NEMP2: variants seen among roughly 807,000 people sequenced by gnomAD.
The protein encoded by NEMP2 is UPF0571 transmembrane protein.
NEMP2 carries 53 observed loss-of-function variants against 54.2 expected under a neutral mutation model. The observed-to-expected ratio is 0.98, with a 90% CI of 0.78 to 1.23. The LOEUF (loss-of-function observed/expected upper bound fraction) is 1.23, where lower values mean the gene tolerates loss of function less well. NEMP2 is among the 50% of genes most tolerant of loss of function. The pLI, the probability that NEMP2 is intolerant of heterozygous loss-of-function variation, is 0.00. For synonymous variants in NEMP2, 197 were observed against 190.3 expected (o/e 1.04, Z -0.29); for missense variants, 455 against 511.3 (o/e 0.89, Z 1.06).
Position 190,519,250 on chromosome 2 carries a change from C to T in NEMP2, c.214-67G>A, listed in dbSNP as rs1445054402. 8.6e-7 allele frequency: 1 copy of T among 1,156,984 alleles called. No homozygotes were observed. Among genetic ancestry groups the T allele is most frequent in the African/African-American group, 1.5e-5 (1 of 65,216 alleles). 71.7% of individuals were successfully genotyped at this position (1,156,984 alleles called of 1,614,324 possible). On this transcript the variant is annotated intron_variant, in intron 2 of 8. Coordinates refer to ENST00000409150, the MANE Select transcript of NEMP2 (RefSeq NM_001142645.2). This position sits in a 1 kb window ranked among gnomAD's most constrained non-coding sequence, Gnocchi z 5.4. Reference sequence around the variant, plus strand: ...CTCTTTTTTGTTTTGGAGACAGGGTCTCCCTCTGTTGCCCAGAATGGAGTG... The same window carrying T: ...CTCTTTTTTGTTTTGGAGACAGGGTTTCCCTCTGTTGCCCAGAATGGAGTG...
chr2:190,579,409 G>A, the NEMP2 span, among the ~76,000 whole-genome samples: 8 of 151,892 alleles, frequency 5.3e-5, no homozygotes, highest in East Asian at 1.9e-4. Context: ...CAAGTGGAGC[G>A]AAGATGACCA....
chr2:190,602,170 G>A, the NEMP2 span, among the ~76,000 whole-genome samples: 1 of 152,174 alleles, frequency 6.6e-6, no homozygotes, highest in African/African-American at 2.4e-5. Flanking sequence ...GGAGAAGGAA[G>A]GAGAAATAGA....
the NEMP2 span, among the ~76,000 whole-genome samples, chr2:190,550,344 G>A: frequency 6.6e-6 from 1 of 152,074 alleles, no homozygotes; most frequent in Non-Finnish European, 1.5e-5. This position sits in a 1 kb window ranked among gnomAD's most constrained non-coding sequence, Gnocchi z 4.7. Flanking sequence ...CAAGCTACCT[G>A]GTGCATCTTT....
the NEMP2 span, among the ~76,000 whole-genome samples, chr2:190,547,514 A>G: frequency 6.6e-6 from 1 of 152,108 alleles, no homozygotes; most frequent in Non-Finnish European, 1.5e-5. The surrounding 1 kb of genome is among the most constrained non-coding windows in gnomAD (Gnocchi z 6.2). Context: ...AAATAGCAAA[A>G]TTGCAAATAC....
chr2:190,477,301 T>TAGGA, the NEMP2 span: 1 of 984,720 alleles, frequency 1.0e-6, no homozygotes, highest in African/African-American at 1.7e-5. Context: ...CCACCTCTGG[T>TAGGA]TCCTGTTCTA....
the NEMP2 span, chr2:190,437,443 T>C: frequency 6.2e-7 from 1 of 1,614,234 alleles, no homozygotes; most frequent in South Asian, 1.1e-5. This position sits in a 1 kb window ranked among gnomAD's most constrained non-coding sequence, Gnocchi z 5.9. Context: ...CTACTGGCAT[T>C]TGGAAGACCT....
At chr2:190,498,755 G>A in the NEMP2 span, among the ~76,000 whole-genome samples, 1 of 152,174 alleles carries the variant, frequency 6.6e-6, no homozygotes, top group African/African-American at 2.4e-5. This position sits in a 1 kb window ranked among gnomAD's most constrained non-coding sequence, Gnocchi z 5.9. Flanking sequence ...TGCTGCTTGA[G>A]TAGCAATATT....
the NEMP2 span, among the ~76,000 whole-genome samples, chr2:190,545,940 G>A: frequency 6.6e-6 from 1 of 152,092 alleles, no homozygotes; most frequent in Non-Finnish European, 1.5e-5. Context: ...CATTATTGCT[G>A]GTCATAGGAG....
At chr2:190,453,033 T>G in the NEMP2 span, among the ~76,000 whole-genome samples, 1 of 152,150 alleles carries the variant, frequency 6.6e-6, no homozygotes, top group Non-Finnish European at 1.5e-5. Flanking sequence ...GACAGACATA[T>G]TCCTGTGTCA....
chr2:190,516,427 CA>C (rs1428582435), intron 5 of NEMP2, 43 bp from the exon 6 acceptor site: 1 of 1,386,978 alleles, frequency 7.2e-7, no homozygotes, highest in Non-Finnish European at 9.9e-7. Flanking sequence ...TTGGTTCATT[CA>C]CTCTCATAAA....
the NEMP2 span, among the ~76,000 whole-genome samples, chr2:190,456,293 A>G: frequency 4.6e-5 from 7 of 152,084 alleles, no homozygotes; most frequent in Non-Finnish European, 8.8e-5. The surrounding 1 kb of genome is among the most constrained non-coding windows in gnomAD (Gnocchi z 5.4). Context: ...TTCACTTCAG[A>G]CAGAGAAGGT....
the NEMP2 span, among the ~76,000 whole-genome samples, chr2:190,641,691 T>C: frequency 6.6e-6 from 1 of 152,190 alleles, no homozygotes; most frequent in Non-Finnish European, 1.5e-5. Flanking sequence ...CAGACAATTA[T>C]TAATGGCCAG....
the NEMP2 span, among the ~76,000 whole-genome samples, chr2:190,546,227 T>TAA: frequency 2.6e-5 from 4 of 151,884 alleles, no homozygotes; most frequent in East Asian, 1.9e-4. This position sits in a 1 kb window ranked among gnomAD's most constrained non-coding sequence, Gnocchi z 5.1. Flanking sequence ...TTTTTTTTTT[T>TAA]AAAAAAGAAA....
chr2:190,469,821 T>C, the NEMP2 span: 1 of 1,610,188 alleles, frequency 6.2e-7, no homozygotes, highest in Non-Finnish European at 8.5e-7. The surrounding 1 kb of genome is among the most constrained non-coding windows in gnomAD (Gnocchi z 5.3). Flanking sequence ...ACCTGGAGAA[T>C]GCCTGGACTG....
chr2:190,528,302 T>C lies in NEMP2; in HGVS notation c.98-2924A>G, dbSNP rs79592451. On this transcript the variant is annotated intron_variant, in intron 1 of 8. Transcript: ENST00000409150. This position sits in a 1 kb window ranked among gnomAD's most constrained non-coding sequence, Gnocchi z 4.3. ...TGCAATGAGAAGACATGAGAACACA[T>C]TAAATGCTCCCAGTTAGTAAGCAGC... is the stretch of plus-strand genomic sequence containing the variant. Among the ~76,000 whole-genome samples, 2,086 of 152,246 alleles carry C rather than the reference T, an allele frequency of 0.014. 52 individuals are homozygous for C. The highest frequency in any genetic ancestry group is 0.047 in the African/African-American group (1,949 of 41,550).
intron 5 of NEMP2, 25 bp from the exon 6 acceptor site, chr2:190,516,409 C>T (rs781754923): frequency 1.9e-5 from 29 of 1,510,552 alleles, no homozygotes; most frequent in Non-Finnish European, 2.6e-5. Context: ...AAATAAATGA[C>T]ACATTTTTTG....
the NEMP2 span, among the ~76,000 whole-genome samples, chr2:190,621,327 A>C: frequency 1.3e-5 from 2 of 152,272 alleles, no homozygotes; most frequent in African/African-American, 4.8e-5. Context: ...TACTGTAGGC[A>C]ACCATAGCAT....
chr2:190,567,293 G>A, the NEMP2 span, among the ~76,000 whole-genome samples: 2 of 151,896 alleles, frequency 1.3e-5, no homozygotes, highest in Admixed American at 1.3e-4. The surrounding 1 kb of genome is among the most constrained non-coding windows in gnomAD (Gnocchi z 4.0). Flanking sequence ...AAAGGTATGA[G>A]ACTTAGACTA....
At chr2:190,639,649 GT>G in the NEMP2 span, among the ~76,000 whole-genome samples, 2 of 128,124 alleles carry the variant, frequency 1.6e-5, no homozygotes, top group South Asian at 5.3e-4. Flanking sequence ...TTTTTTTTTT[GT>G]TTTTTGTTTT....
Sources: gnomAD v4.1 joint callset for allele counts (sites outside exome capture counted in the v4.1 genomes callset) on GRCh38, gnomAD v4.1.1 for gene constraint, Gnocchi (gnomAD v3.1) non-coding constraint, MANE v1.5 for transcripts, NCBI Gene and HGNC (gene_info 2026-07-23, HGNC 2026-07-21) for gene names.